Variants in NAP1L4 observed in about 807,000 individuals in gnomAD.
The protein encoded by NAP1L4 is nucleosome assembly protein 1-like 4.
In NAP1L4, 15 loss-of-function variants were observed where a neutral mutation model predicts 58.2. The ratio of observed to expected loss-of-function variants is 0.26; its 90% CI spans 0.17 to 0.40. The LOEUF (loss-of-function observed/expected upper bound fraction) is 0.40, where lower values mean the gene tolerates loss of function less well. NAP1L4 is among the 10% of genes least tolerant of loss of function. The pLI is 1.00. For missense variants in NAP1L4, 384 were observed against 451.1 expected, an observed-to-expected ratio of 0.85 and a Z score of 1.35; for synonymous variants, 171 against 155.6, an observed-to-expected ratio of 1.10 and a Z score of -0.74.
rs1847922589 is a variant in NAP1L4, at chr11:2,975,797, C to T, written c.173+227G>A. ...GCCCTCCACAGGATGGCACTGTGCA[C>T]TTCCTATCAGAACTGACAGGTCACG... On this transcript the variant is annotated intron_variant, in intron 4 of 15. Coordinates refer to ENST00000380542, the MANE Select transcript of NAP1L4 (RefSeq NM_005969.4). 2.0e-5 allele frequency among the ~76,000 whole-genome samples: 3 copies of T among 152,124 alleles called. No individual in the cohort carries two copies. The South Asian group carries it at 6.2e-4, about 32-fold the overall frequency.
chr11:2,960,102 A>G (rs1371408525), intron 8 of NAP1L4, 193 bp from the exon 9 acceptor site: 1 of 581,492 alleles, frequency 1.7e-6, no homozygotes, highest in Non-Finnish European at 3.0e-6. Context: ...CTGGCGGGAA[A>G]TATCTGTTCA....
In NAP1L4 at chr11:2,992,277, G is replaced by T. The variant is rs1313953041; in HGVS notation, c.-41C>A. 6.6e-6 allele frequency: 1 copy of T among 152,364 alleles called. No homozygotes were observed. The highest frequency in any genetic ancestry group is 2.0e-4 in the South Asian group (1 of 5,002). The allele number at this position is 152,364 out of a possible 1,614,324, so 9.4% of individuals were successfully genotyped here. On this transcript the variant is annotated 5_prime_UTR_variant, in exon 1 of 16. Coordinates refer to ENST00000380542, the MANE Select transcript of NAP1L4 (RefSeq NM_005969.4). ...ACCTCACGCCTCCTGCGGCAGTGGC[G>T]GCGACCCTAGCTTCGCTCGCTTTGG...
intron 1 of NAP1L4, among the ~76,000 whole-genome samples, chr11:2,985,910 T>C (rs576347774): frequency 6.6e-6 from 1 of 152,104 alleles, no homozygotes; most frequent in Admixed American, 6.5e-5. Flanking sequence ...ATTACACAAA[T>C]GTTCTTTTAT....
intron 3 of NAP1L4, among the ~76,000 whole-genome samples, chr11:2,977,829 T>A (rs181447415): frequency 1.3e-5 from 2 of 150,856 alleles, no homozygotes; most frequent in African/African-American, 2.4e-5. Flanking sequence ...TTCTTAGGAT[T>A]TGCTTTCCAA....
At chr11:2,978,408 A>G in intron 2 of NAP1L4, 66 bp from the exon 3 acceptor site, 1 of 1,447,682 alleles carries the variant, frequency 6.9e-7, no homozygotes, top group Non-Finnish European at 9.6e-7. Flanking sequence ...GCACAAATGG[A>G]CATGTTTCTT....
At chr11:2,984,166 C>CAAAA (rs35188952) in intron 1 of NAP1L4, among the ~76,000 whole-genome samples, 2 of 80,542 alleles carry the variant, frequency 2.5e-5, no homozygotes, top group African/African-American at 1.1e-4. Flanking sequence ...GACCCTGCCT[C>CAAAA]AAAAAAAAAA....
At chr11:2,966,031 T>C (rs1847256864) in intron 7 of NAP1L4, among the ~76,000 whole-genome samples, 1 of 152,090 alleles carries the variant, frequency 6.6e-6, no homozygotes, top group African/African-American at 2.4e-5. Flanking sequence ...AGAAGAGGAG[T>C]GGGAAGACCT....
Position 2,954,431 on chromosome 11 carries a change from TTAGGCATG to T in NAP1L4, c.1035+88_1035+95del. 1 of 1,557,942 alleles carries T rather than the reference TTAGGCATG, an allele frequency of 6.4e-7. No homozygotes were observed. The highest frequency in any genetic ancestry group is 8.8e-7 in the Non-Finnish European group (1 of 1,131,316). ...TCTGGCTGATGATGTAATAAAAAGATTAGGCATGGGGGTTTCCTAAGCCACAATTCAGG... is the reference window on the plus strand; with the variant it reads ...TCTGGCTGATGATGTAATAAAAAGATGGGGTTTCCTAAGCCACAATTCAGG... On this transcript the variant is annotated intron_variant, in intron 12 of 15. Coordinates refer to ENST00000380542, the MANE Select transcript of NAP1L4 (RefSeq NM_005969.4). This position sits in a 1 kb window ranked among gnomAD's most constrained non-coding sequence, Gnocchi z 4.8.
intron 12 of NAP1L4, among the ~76,000 whole-genome samples, chr11:2,953,984 C>A (rs1186918468): frequency 2.0e-5 from 3 of 152,204 alleles, no homozygotes; most frequent in Non-Finnish European, 2.9e-5. Flanking sequence ...GGGCTGTGCA[C>A]CCGCAAGTTC....
At chr11:2,989,060 G>T (rs1243109587) in intron 1 of NAP1L4, 1 of 152,158 alleles carries the variant, frequency 6.6e-6, no homozygotes, top group Non-Finnish European at 1.5e-5. Flanking sequence ...ACTGATAAGG[G>T]TTTTCCATTA....
Position 2,971,539 on chromosome 11 carries a change from A to G in NAP1L4, c.316-5T>C, listed in dbSNP as rs1847636698. The G allele has an allele frequency of 2.5e-6, 4 of 1,611,730 alleles. No individual in the cohort carries two copies. The highest frequency in any genetic ancestry group is 1.7e-5 in the Admixed American group (1 of 59,964). On this transcript the variant is annotated splice_polypyrimidine_tract_variant and splice_region_variant and intron_variant, in intron 5 of 15. Coordinates refer to ENST00000380542, the MANE Select transcript of NAP1L4 (RefSeq NM_005969.4). This position sits in a 1 kb window ranked among gnomAD's most constrained non-coding sequence, Gnocchi z 4.2. ...GCCGGTGATAAATTCTCTTCTCTAC[A>G]TAAAAATGAGACCTTATTAGAATTA...
intron 10 of NAP1L4, 156 bp downstream of exon 10, chr11:2,958,243 G>A (rs764951924): frequency 6.5e-6 from 5 of 765,470 alleles, no homozygotes; most frequent in African/African-American, 5.2e-5. Context: ...ACTTGCCAGC[G>A]CACCAACAGA....
chr11:2,991,696 T>G (rs964724982), intron 1 of NAP1L4: 1 of 152,666 alleles, frequency 6.6e-6, no homozygotes, highest in Non-Finnish European at 1.5e-5. Context: ...AAACCCCAGT[T>G]AGCCCAGCCT....
At chr11:2,982,644 G>A (rs1050404984) in intron 1 of NAP1L4, among the ~76,000 whole-genome samples, 1 of 152,188 alleles carries the variant, frequency 6.6e-6, no homozygotes, top group Non-Finnish European at 1.5e-5. Flanking sequence ...ACATGCATTC[G>A]TGTTTCAAAT....
chr11:2,965,396 T>G (rs2133951295), intron 7 of NAP1L4, among the ~76,000 whole-genome samples: 1 of 152,338 alleles, frequency 6.6e-6, no homozygotes, highest in Middle Eastern at 3.4e-3. Context: ...AAGCAGCTGG[T>G]GATGGTACTT....
Position 2,945,309 on chromosome 11 carries a change from G to C in NAP1L4, c.*370C>G. ...TGCCAAGTGACCCCCACCCCACCCT[G>C]ATGTGGTCTACAGGGCCCTCCCACA... is the stretch of plus-strand genomic sequence containing the variant. On this transcript the variant is annotated 3_prime_UTR_variant, in exon 16 of 16. Coordinates refer to ENST00000380542, the MANE Select transcript of NAP1L4 (RefSeq NM_005969.4). The C allele has an allele frequency of 6.2e-6, 2 of 322,308 alleles. No individual in the cohort carries two copies. Among genetic ancestry groups the C allele is most frequent in the Non-Finnish European group, 1.1e-5 (2 of 177,508 alleles). 20.0% of individuals were successfully genotyped at this position (322,308 alleles called of 1,614,324 possible).
At chr11:2,981,905 C>T (rs1437071072) in intron 1 of NAP1L4, 1 of 152,562 alleles carries the variant, frequency 6.6e-6, no homozygotes, top group African/African-American at 2.4e-5. Flanking sequence ...CAGGCCCTGT[C>T]TACCTCCCCA....
intron 8 of NAP1L4, among the ~76,000 whole-genome samples, chr11:2,961,519 C>T (rs1025073020): frequency 4.7e-5 from 7 of 147,992 alleles, no homozygotes; most frequent in Non-Finnish European, 7.5e-5. Flanking sequence ...AAAAAAAAAC[C>T]AACATAAAGA....
chr11:2,984,779 C>T (rs1248795879), intron 1 of NAP1L4, among the ~76,000 whole-genome samples: 1 of 144,206 alleles, frequency 6.9e-6, no homozygotes, highest in South Asian at 2.3e-4. Flanking sequence ...TTAATGGAGA[C>T]AAATTTCCTA....
Sources: gnomAD v4.1 joint callset for allele counts (sites outside exome capture counted in the v4.1 genomes callset) on GRCh38, gnomAD v4.1.1 for gene constraint, Gnocchi (gnomAD v3.1) non-coding constraint, MANE v1.5 for transcripts, NCBI Gene and HGNC (gene_info 2026-07-23, HGNC 2026-07-21) for gene names.